The following ST6GAL1 variants were observed in gnomAD, a reference collection of about 807,000 sequenced individuals.
ST6GAL1 encodes ST6 beta-galactoside alpha-2,6-sialyltransferase 1, also known as beta-galactoside alpha-2,6-sialyltransferase 1.
In ST6GAL1, 20 loss-of-function variants were observed where a neutral mutation model predicts 38.0. That is an observed-to-expected ratio of 0.53 (90% confidence interval 0.37 to 0.77). The LOEUF (loss-of-function observed/expected upper bound fraction) is 0.77. Ranked by LOEUF, ST6GAL1 falls within the 30% of genes least tolerant of loss-of-function variation. ST6GAL1 has a pLI of 0.00. For missense variants in ST6GAL1, 432 were observed against 496.4 expected (o/e 0.87, Z 1.23); for synonymous variants, 196 against 188.2 (o/e 1.04, Z -0.34).
chr3:187,031,440 CTT>C (rs530077232), intron 2 of ST6GAL1, among the ~76,000 whole-genome samples: 4 of 145,404 alleles, frequency 2.8e-5, no homozygotes, highest in Admixed American at 6.9e-5. Flanking sequence ...AGTGGATTAT[CTT>C]TTTTTTTTTT....
intron 2 of ST6GAL1, among the ~76,000 whole-genome samples, chr3:186,982,974 G>T (rs952133984): frequency 6.6e-6 from 1 of 151,890 alleles, no homozygotes; most frequent in Non-Finnish European, 1.5e-5. Context: ...GAGCCACCGC[G>T]CCCAGCCCCA....
At chr3:187,073,350 A>C in intron 6 of ST6GAL1, 1 of 170,456 alleles carries the variant, frequency 5.9e-6, no homozygotes, top group Non-Finnish European at 1.3e-5. Flanking sequence ...TTCCCATTTC[A>C]CTCTCATAAC....
intron 1 of ST6GAL1, among the ~76,000 whole-genome samples, chr3:186,942,766 TG>T (rs1478370604): frequency 1.3e-5 from 2 of 152,230 alleles, no homozygotes; most frequent in Admixed American, 1.3e-4. Flanking sequence ...GAAGATCTGC[TG>T]TGTCGGTATC....
At chr3:187,003,639 C>T (rs1480547969) in intron 2 of ST6GAL1, among the ~76,000 whole-genome samples, 1 of 152,154 alleles carries the variant, frequency 6.6e-6, no homozygotes, top group Non-Finnish European at 1.5e-5. Context: ...TACTTTGCTA[C>T]TGTAAACAGT....
At chr3:187,029,327 A>G (rs1717658981) in intron 2 of ST6GAL1, among the ~76,000 whole-genome samples, 1 of 152,206 alleles carries the variant, frequency 6.6e-6, no homozygotes, top group Admixed American at 6.5e-5. Flanking sequence ...GAGGTTTTCT[A>G]GAACAACTTT....
intron 5 of ST6GAL1, among the ~76,000 whole-genome samples, chr3:187,068,037 C>T (rs1719229051): frequency 6.6e-6 from 1 of 152,194 alleles, no homozygotes; most frequent in African/African-American, 2.4e-5. Context: ...CATTATAGCA[C>T]ATAGGTTAGA....
chr3:187,050,804 G>A (rs965629193), intron 4 of ST6GAL1, among the ~76,000 whole-genome samples: 9 of 152,172 alleles, frequency 5.9e-5, no homozygotes, highest in Non-Finnish European at 1.3e-4. Context: ...GTGCAATGGG[G>A]TCCTTTGCAC....
intron 6 of ST6GAL1, among the ~76,000 whole-genome samples, chr3:187,073,177 T>C (rs1236532566): frequency 6.6e-6 from 1 of 152,226 alleles, no homozygotes; most frequent in African/African-American, 2.4e-5. Flanking sequence ...CTCCCAGTTA[T>C]AGTATTTACT....
chr3:186,965,696 C>A (rs1204381348), intron 2 of ST6GAL1, among the ~76,000 whole-genome samples: 1 of 152,138 alleles, frequency 6.6e-6, no homozygotes, highest in East Asian at 1.9e-4. Flanking sequence ...GAGCACTGCT[C>A]AGGAGGCCGC....
chr3:186,951,608 C>T (rs1207134857), intron 1 of ST6GAL1, among the ~76,000 whole-genome samples: 1 of 152,188 alleles, frequency 6.6e-6, no homozygotes, highest in African/African-American at 2.4e-5. Flanking sequence ...ATGACCATTC[C>T]TCTGTCATCT....
At chr3:186,960,247 C>A (rs1393414796) in intron 1 of ST6GAL1, among the ~76,000 whole-genome samples, 1 of 152,166 alleles carries the variant, frequency 6.6e-6, no homozygotes, top group African/African-American at 2.4e-5. Context: ...GAATCATCTT[C>A]TGTGTCATCT....
chr3:187,065,817 A>C (rs1004224486), intron 5 of ST6GAL1, among the ~76,000 whole-genome samples: 1 of 152,326 alleles, frequency 6.6e-6, no homozygotes, highest in South Asian at 2.1e-4. Context: ...TATATTATAT[A>C]TACCATCTAA....
chr3:187,031,354 A>C (rs1717743702), intron 2 of ST6GAL1, among the ~76,000 whole-genome samples: 1 of 152,148 alleles, frequency 6.6e-6, no homozygotes, highest in South Asian at 2.1e-4. Context: ...TCCCTGTCTC[A>C]GTTTCCCTGT....
At chr3:186,967,813 G>A (rs1371375913) in intron 2 of ST6GAL1, among the ~76,000 whole-genome samples, 1 of 152,230 alleles carries the variant, frequency 6.6e-6, no homozygotes, top group African/African-American at 2.4e-5. Flanking sequence ...GAGAGGAATT[G>A]GAGTCTGTTC....
chr3:187,034,297 T>A (rs1238501297), intron 2 of ST6GAL1, among the ~76,000 whole-genome samples: 2 of 152,024 alleles, frequency 1.3e-5, no homozygotes, highest in Admixed American at 6.6e-5. Flanking sequence ...CTGGACCAGA[T>A]AAATTCACAG....
chr3:186,967,373 G>A (rs1282931492), intron 2 of ST6GAL1, among the ~76,000 whole-genome samples: 2 of 152,188 alleles, frequency 1.3e-5, no homozygotes, highest in Non-Finnish European at 2.9e-5. Flanking sequence ...TGTATTTTTA[G>A]TAGAGACGGG....
At chr3:186,997,305 CAG>C (rs1382753525) in intron 2 of ST6GAL1, among the ~76,000 whole-genome samples, 1 of 152,098 alleles carries the variant, frequency 6.6e-6, no homozygotes, top group Non-Finnish European at 1.5e-5. Context: ...AACTGTCACT[CAG>C]AGGGATGAAA....
chr3:186,965,723 C>A (rs1715088705), intron 2 of ST6GAL1, among the ~76,000 whole-genome samples: 1 of 152,126 alleles, frequency 6.6e-6, no homozygotes, highest in Admixed American at 6.5e-5. Flanking sequence ...ACAGAGCTTA[C>A]ATATAACTGG....
At chr3:187,022,641 A>C (rs549591473) in intron 2 of ST6GAL1, among the ~76,000 whole-genome samples, 1 of 152,292 alleles carries the variant, frequency 6.6e-6, no homozygotes, top group African/African-American at 2.4e-5. Context: ...AGGCCTAGCA[A>C]GGGAAGAGAC....
Sources: allele counts gnomAD v4.1 joint callset (sites outside exome capture counted in the v4.1 genomes callset), GRCh38; gene constraint gnomAD v4.1.1; transcripts MANE v1.5; gene names NCBI Gene and HGNC (gene_info 2026-07-23, HGNC 2026-07-21).